ABCA13: variants seen among roughly 807,000 people sequenced by gnomAD.
The protein encoded by ABCA13 is ATP binding cassette subfamily A member 13, also known as ATP-binding cassette sub-family A member 13.
ABCA13 carries 476 observed loss-of-function variants against 478.7 expected under a neutral mutation model. The ratio of observed to expected loss-of-function variants is 0.99; its 90% CI spans 0.92 to 1.07. The LOEUF (loss-of-function observed/expected upper bound fraction) is 1.07. Ranked by LOEUF, ABCA13 falls within the 50% of genes least tolerant of loss-of-function variation. The pLI is 0.00. For missense variants in ABCA13, 6,060 were observed against 5,910.6 expected (o/e 1.03, Z -0.83); for synonymous variants, 2,252 against 2,158.9 (o/e 1.04, Z -1.20).
At chr7:48,633,947 G>C (rs762462135) in intron 59 of ABCA13, among the ~76,000 whole-genome samples, 9,057 of 139,820 alleles carry the variant, frequency 0.065, 341 homozygotes, top group South Asian at 0.15. Flanking sequence ...TAGATAGATA[G>C]ATAGATAGAT....
intron 42 of ABCA13, among the ~76,000 whole-genome samples, chr7:48,440,599 A>G (rs978500176): frequency 3.9e-5 from 6 of 152,072 alleles, no homozygotes; most frequent in African/African-American, 1.4e-4. Context: ...ATATTAGTTA[A>G]CTTTTATATG....
intron 43 of ABCA13, among the ~76,000 whole-genome samples, chr7:48,458,755 A>AT (rs1825941559): frequency 6.6e-6 from 1 of 152,162 alleles, no homozygotes; most frequent in Non-Finnish European, 1.5e-5. Context: ...CCCACAGCTC[A>AT]TAGAGGGTTT....
chr7:48,172,755 G>T (rs1038727789), intron 1 of ABCA13, among the ~76,000 whole-genome samples: 4 of 121,574 alleles, frequency 3.3e-5, no homozygotes, highest in Admixed American at 1.1e-4. Context: ...CCGAGATCGC[G>T]CCACTGCACT....
Position 48,520,055 on chromosome 7 carries a change from C to A in ABCA13, c.13812C>A (p.Ile4604=). 6.2e-7 allele frequency: 1 copy of A among 1,610,898 alleles called. No homozygotes were observed. The highest frequency in any genetic ancestry group is 8.5e-7 in the Non-Finnish European group (1 of 1,178,188). The stretch of plus-strand genomic sequence containing the variant: ...TCACTGTGCAGAATTTACAGAATAT[C>A]TATGATGTCCTCAAGTGGGTCTTTA... The part of the protein sequence containing the change: ...IISKAKNLQN[I]YDVLKWVFTI... Residue 4604 remains isoleucine, a synonymous_variant, in exon 53 of 62, where the codon ATC becomes ATA. Coordinates refer to ENST00000435803, the MANE Select transcript of ABCA13 (RefSeq NM_152701.5).
intron 11 of ABCA13, 39 bp downstream of exon 11, chr7:48,244,742 A>G (rs1375289735): frequency 1.3e-6 from 2 of 1,540,078 alleles, no homozygotes; most frequent in African/African-American, 1.4e-5. Flanking sequence ...TGACTCACTA[A>G]GAGTAAATGT....
At chr7:48,199,955 T>G (rs1798439522) in intron 3 of ABCA13, among the ~76,000 whole-genome samples, 1 of 152,240 alleles carries the variant, frequency 6.6e-6, no homozygotes, top group Admixed American at 6.5e-5. Flanking sequence ...TCAAGTGTTG[T>G]GAATGTTAAA....
chr7:48,337,327 T>C (rs541592461), intron 28 of ABCA13, among the ~76,000 whole-genome samples: 2 of 152,274 alleles, frequency 1.3e-5, no homozygotes, highest in South Asian at 2.1e-4. Context: ...TTAAATGACA[T>C]GATGCATAAT....
intron 20 of ABCA13, among the ~76,000 whole-genome samples, chr7:48,290,746 G>A (rs1380519116): frequency 1.3e-5 from 2 of 152,006 alleles, no homozygotes; most frequent in African/African-American, 4.8e-5. Context: ...TCATGCAGTA[G>A]GTTTAATTCA....
intron 58 of ABCA13, among the ~76,000 whole-genome samples, chr7:48,596,403 T>C (rs532796447): frequency 1.3e-5 from 2 of 152,350 alleles, no homozygotes; most frequent in South Asian, 4.1e-4. Context: ...ACTGTAAGTA[T>C]GGAATTCTAT....
At chr7:48,416,165 AT>A (rs1819948353) in intron 41 of ABCA13, among the ~76,000 whole-genome samples, 1 of 152,186 alleles carries the variant, frequency 6.6e-6, no homozygotes. Flanking sequence ...TATAAGTGTT[AT>A]TTTAGTAAAA....
chr7:48,358,166 A>AAGGACAGAACAGGAC (rs1554468381), intron 31 of ABCA13, among the ~76,000 whole-genome samples: 30 of 135,694 alleles, frequency 2.2e-4, no homozygotes, highest in African/African-American at 8.0e-4. Flanking sequence ...AAAAAAAAGA[A>AAGGACAGAACAGGAC]AGGACAGGAC....
intron 58 of ABCA13, among the ~76,000 whole-genome samples, chr7:48,596,186 C>G (rs1228230134): frequency 6.6e-6 from 1 of 152,242 alleles, no homozygotes; most frequent in Non-Finnish European, 1.5e-5. Context: ...CAGCCATTCA[C>G]ACATTTCTCA....
intron 45 of ABCA13, among the ~76,000 whole-genome samples, chr7:48,473,559 A>C (rs2130359341): frequency 6.6e-6 from 1 of 152,332 alleles, no homozygotes; most frequent in Admixed American, 6.5e-5. Context: ...AATTTATTAA[A>C]GAAAAAAGAA....
At chr7:48,335,604 T>C in intron 28 of ABCA13, 69 bp downstream of exon 28, 1 of 1,246,636 alleles carries the variant, frequency 8.0e-7, no homozygotes, top group Non-Finnish European at 1.2e-6. Flanking sequence ...ACATCAGGGC[T>C]GCCCTGTAGA....
intron 37 of ABCA13, 130 bp downstream of exon 37, chr7:48,389,350 C>A (rs1225209758): frequency 9.3e-7 from 1 of 1,076,038 alleles, no homozygotes; most frequent in Non-Finnish European, 1.3e-6. Flanking sequence ...AGTTTAGAGA[C>A]ACGGGTGAAA....
In ABCA13 at chr7:48,466,989, G is replaced by A. The variant is rs749080094; in HGVS notation, c.12849G>A (p.Val4283=). 6.2e-7 allele frequency: 1 copy of A among 1,613,840 alleles called. No individual in the cohort carries two copies. Among genetic ancestry groups the A allele is most frequent in the African/African-American group, 1.3e-5 (1 of 74,896 alleles). ...GCGACAACTTGGACCTCACCCGTGT[G>A]CTTCTGCGGAAGTTTAGAGATCAAG... is the stretch of plus-strand genomic sequence containing the variant. ...SGGDNLDLTR[V]LLRKFRDQDL... The change falls in exon 44 of 62, where the codon GTG becomes GTA. Residue 4283 remains valine, a synonymous_variant. Transcript: ENST00000435803.
intron 51 of ABCA13, among the ~76,000 whole-genome samples, chr7:48,514,355 C>T (rs1013985321): frequency 6.6e-6 from 1 of 152,152 alleles, no homozygotes; most frequent in Admixed American, 6.5e-5. Flanking sequence ...GAGAAAGACC[C>T]AGTCTTTTGT....
Position 48,246,023 on chromosome 7 carries a change from A to G in ABCA13, c.1652A>G (p.Glu551Gly). Residue 551 changes from glutamate to glycine, a missense_variant, in exon 13 of 62, where the codon GAG (glutamate) becomes GGG (glycine). Coordinates refer to ENST00000435803, the MANE Select transcript of ABCA13 (RefSeq NM_152701.5). ...TTAAACAAGCTACTTGGTTCAGTAGAGGATGCTGTAAGTATTCTACCATCT... is the reference window on the plus strand; with the variant it reads ...TTAAACAAGCTACTTGGTTCAGTAGGGGATGCTGTAAGTATTCTACCATCT... ...SVLNKLLGSV[E>G]DADRILQEVI... 6.2e-7 allele frequency: 1 copy of G among 1,612,820 alleles called. No individual in the cohort carries two copies. Among genetic ancestry groups the G allele is most frequent in the Admixed American group, 1.7e-5 (1 of 59,936 alleles).
At chr7:48,420,212 A>G (rs947362030) in intron 41 of ABCA13, among the ~76,000 whole-genome samples, 9 of 152,198 alleles carry the variant, frequency 5.9e-5, no homozygotes, top group African/African-American at 2.2e-4. Flanking sequence ...TTATTTCTAA[A>G]CTGGAATACA....
Sources: gnomAD v4.1 joint callset for allele counts (sites outside exome capture counted in the v4.1 genomes callset) on GRCh38, gnomAD v4.1.1 for gene constraint, MANE v1.5 for transcripts, NCBI Gene and HGNC (gene_info 2026-07-23, HGNC 2026-07-21) for gene names.